Variants in AKR1B15 observed in about 807,000 individuals in gnomAD.
AKR1B15 encodes estradiol 17-beta-dehydrogenase AKR1B15.
In AKR1B15, 49 loss-of-function variants were observed where a neutral mutation model predicts 38.5. The observed-to-expected ratio is 1.27, with a 90% CI of 1.01 to 1.62. AKR1B15 has a LOEUF of 1.62. Ranked by LOEUF, AKR1B15 falls within the 40% of genes most tolerant of loss-of-function variation. The pLI is 0.00. For synonymous variants in AKR1B15, 137 were observed against 135.5 expected (o/e 1.01, Z -0.08); for missense variants, 411 against 381.6 (o/e 1.08, Z -0.64).
At chr7:134,569,758 A>C (rs756061408) in intron 5 of AKR1B15, 42 of 464,012 alleles carry the variant, frequency 9.1e-5, no homozygotes, top group Non-Finnish European at 1.5e-4. Context: ...TCACTTCCCC[A>C]ATCAGTACTT....
At chr7:134,576,246 T>G (rs1357425326) in intron 8 of AKR1B15, 103 bp from the exon 9 acceptor site, 1 of 1,260,472 alleles carries the variant, frequency 7.9e-7, no homozygotes, top group African/African-American at 1.5e-5. Flanking sequence ...GTCTCCCAGA[T>G]GGAGAGGCTC....
chr7:134,571,217 A>T (rs555258016), intron 5 of AKR1B15, among the ~76,000 whole-genome samples: 1 of 152,140 alleles, frequency 6.6e-6, no homozygotes, highest in Non-Finnish European at 1.5e-5. Flanking sequence ...GGCTGCAAGG[A>T]TAGAAGTTGG....
intron 5 of AKR1B15, among the ~76,000 whole-genome samples, chr7:134,571,019 G>C (rs902171394): frequency 9.2e-5 from 14 of 152,180 alleles, no homozygotes; most frequent in African/African-American, 3.4e-4. Flanking sequence ...CCTGGCAGTG[G>C]CATCTTGGAG....
At chr7:134,568,069 G>A (rs1166190569) in intron 3 of AKR1B15, 89 bp from the exon 4 acceptor site, 5 of 1,503,968 alleles carry the variant, frequency 3.3e-6, no homozygotes, top group Non-Finnish European at 4.5e-6. Flanking sequence ...TTTGAACCTG[G>A]GAGTGTGAGG....
intron 3 of AKR1B15, among the ~76,000 whole-genome samples, chr7:134,567,910 C>G (rs1794575901): frequency 6.6e-6 from 1 of 152,116 alleles, no homozygotes; most frequent in Non-Finnish European, 1.5e-5. Flanking sequence ...TGTATCCTCC[C>G]AGATATTCCC....
At chr7:134,552,103 C>A (rs568686828) in intron 1 of AKR1B15, among the ~76,000 whole-genome samples, 1 of 152,184 alleles carries the variant, frequency 6.6e-6, no homozygotes, top group East Asian at 1.9e-4. Flanking sequence ...CACCCACTCA[C>A]GAGAGGTGAG....
At chr7:134,574,007 C>T (rs963657000) in intron 6 of AKR1B15, among the ~76,000 whole-genome samples, 2 of 152,148 alleles carry the variant, frequency 1.3e-5, no homozygotes, top group Non-Finnish European at 2.9e-5. Flanking sequence ...TCAAGTAAAC[C>T]TCTGAAGTAG....
chr7:134,562,891 C>T (rs28481493), intron 2 of AKR1B15, among the ~76,000 whole-genome samples: 1,973 of 60,382 alleles, frequency 0.033, 53 homozygotes, highest in African/African-American at 0.1. Flanking sequence ...TCTTTCTTTC[C>T]TTCTTTCTTC....
chr7:134,562,211 A>T (rs1264392448), intron 2 of AKR1B15, among the ~76,000 whole-genome samples: 2 of 152,144 alleles, frequency 1.3e-5, no homozygotes, highest in Non-Finnish European at 2.9e-5. Flanking sequence ...GGACCTTCAC[A>T]GTGAGTGTTA....
At chr7:134,567,876 T>C (rs1794574642) in intron 3 of AKR1B15, among the ~76,000 whole-genome samples, 1 of 152,210 alleles carries the variant, frequency 6.6e-6, no homozygotes, top group Non-Finnish European at 1.5e-5. Context: ...TTCCTTCCTT[T>C]CTTTTGAAAA....
chr7:134,575,168 T>A (rs1419257960), intron 6 of AKR1B15, among the ~76,000 whole-genome samples: 5 of 152,234 alleles, frequency 3.3e-5, no homozygotes, highest in African/African-American at 7.2e-5. Flanking sequence ...TCTTTACGTG[T>A]AAGGTGAGAG....
chr7:134,554,495 G>A (rs1162807201), intron 1 of AKR1B15, among the ~76,000 whole-genome samples: 1 of 151,998 alleles, frequency 6.6e-6, no homozygotes, highest in East Asian at 1.9e-4. Flanking sequence ...AGTAAAACTG[G>A]CCCAGCTTCT....
At chr7:134,568,069 G>T in intron 3 of AKR1B15, 89 bp from the exon 4 acceptor site, 2 of 1,503,968 alleles carry the variant, frequency 1.3e-6, no homozygotes, top group Non-Finnish European at 1.8e-6. Flanking sequence ...TTTGAACCTG[G>T]GAGTGTGAGG....
chr7:134,558,586 C>T (rs1490666777), intron 2 of AKR1B15, among the ~76,000 whole-genome samples: 1 of 152,154 alleles, frequency 6.6e-6, no homozygotes, highest in Non-Finnish European at 1.5e-5. Flanking sequence ...GAATCAGACT[C>T]TAATAAACCA....
intron 11 of AKR1B15, 60 bp from the exon 12 acceptor site, chr7:134,579,447 C>T: frequency 2.5e-5 from 36 of 1,422,096 alleles, no homozygotes; most frequent in Non-Finnish European, 3.4e-5. Context: ...AATACCTTCT[C>T]AGCGAGAGTT....
intron 3 of AKR1B15, chr7:134,565,175 T>C (rs1296821547): frequency 2.8e-6 from 1 of 356,694 alleles, no homozygotes; most frequent in Non-Finnish European, 5.2e-6. Flanking sequence ...TGACGAAAAA[T>C]CTTGCTGCTG....
intron 6 of AKR1B15, among the ~76,000 whole-genome samples, chr7:134,574,075 G>C (rs938389678): frequency 6.6e-6 from 1 of 150,854 alleles, no homozygotes; most frequent in African/African-American, 2.4e-5. Context: ...TTTTTTTTTT[G>C]GTAGAGACAG....
chr7:134,561,236 T>C (rs1319516778), intron 2 of AKR1B15, among the ~76,000 whole-genome samples: 3 of 152,192 alleles, frequency 2.0e-5, no homozygotes, highest in African/African-American at 7.2e-5. Context: ...ATTTTTGAGA[T>C]GGAGTCTCTA....
chr7:134,568,444 T>C (rs1021261039), intron 4 of AKR1B15, 119 bp downstream of exon 4: 1 of 1,409,294 alleles, frequency 7.1e-7, no homozygotes, highest in Non-Finnish European at 9.7e-7. Context: ...CATCTCTGCC[T>C]TGATAACATC....
Sources: allele counts gnomAD v4.1 joint callset (sites outside exome capture counted in the v4.1 genomes callset), GRCh38; gene constraint gnomAD v4.1.1; transcripts MANE v1.5; gene names NCBI Gene and HGNC (gene_info 2026-07-23, HGNC 2026-07-21).